The following CCBE1 variants were observed in gnomAD, a reference collection of about 807,000 sequenced individuals.
CCBE1 encodes the protein collagen and calcium binding EGF domains 1.
A neutral mutation model predicts 50.0 loss-of-function variants in CCBE1; 37 were observed. The ratio of observed to expected loss-of-function variants is 0.74; its 90% confidence interval spans 0.57 to 0.97. The LOEUF (loss-of-function observed/expected upper bound fraction) is 0.97, where lower values mean the gene tolerates loss of function less well. CCBE1 is among the 50% of genes least tolerant of loss of function. The pLI, the probability that CCBE1 is intolerant of heterozygous loss-of-function variation, is 0.00. For synonymous variants in CCBE1, 234 were observed against 203.7 expected (o/e 1.15, Z -1.27); for missense variants, 538 against 523.8 (o/e 1.03, Z -0.26).
chr18:59,653,447 T>C (rs1176238384), intron 2 of CCBE1, among the ~76,000 whole-genome samples: 1 of 152,194 alleles, frequency 6.6e-6, no homozygotes, highest in African/African-American at 2.4e-5. Flanking sequence ...ACAAAAATCA[T>C]AAACAAATCA....
chr18:59,685,498 C>T (rs2054642795), intron 2 of CCBE1, among the ~76,000 whole-genome samples: 1 of 152,226 alleles, frequency 6.6e-6, no homozygotes, highest in Non-Finnish European at 1.5e-5. Context: ...AGACCATTTA[C>T]CCAGCTTCTG....
chr18:59,441,370 T>TGTGGTG (rs2143625257), intron 7 of CCBE1, among the ~76,000 whole-genome samples: 1 of 151,266 alleles, frequency 6.6e-6, no homozygotes, highest in Non-Finnish European at 1.5e-5. Flanking sequence ...ATTAGTCAGG[T>TGTGGTG]GTGGTGGTGG....
chr18:59,608,451 C>T (rs2053529411), intron 2 of CCBE1, among the ~76,000 whole-genome samples: 1 of 152,176 alleles, frequency 6.6e-6, no homozygotes, highest in African/African-American at 2.4e-5. Flanking sequence ...CAAATAGCAT[C>T]TTAGCATTTC....
intron 6 of CCBE1, among the ~76,000 whole-genome samples, chr18:59,448,343 G>C (rs1438954259): frequency 6.6e-6 from 1 of 152,186 alleles, no homozygotes; most frequent in African/African-American, 2.4e-5. Flanking sequence ...ATAAGCTCCA[G>C]ATGGCCTAGA....
chr18:59,690,231 G>A (rs2054711538), intron 2 of CCBE1, among the ~76,000 whole-genome samples: 1 of 152,134 alleles, frequency 6.6e-6, no homozygotes. Context: ...TTGTTCATAA[G>A]ATTAAAATTA....
chr18:59,478,532 C>T (rs1912419668), intron 3 of CCBE1, among the ~76,000 whole-genome samples: 1 of 152,154 alleles, frequency 6.6e-6, no homozygotes, highest in African/African-American at 2.4e-5. Flanking sequence ...GCATGTGTGA[C>T]CACTTTTCCT....
At chr18:59,502,687 T>C (rs936724821) in intron 2 of CCBE1, among the ~76,000 whole-genome samples, 16 of 149,254 alleles carry the variant, frequency 1.1e-4, no homozygotes, top group African/African-American at 3.7e-4. Flanking sequence ...TTCCTCCCCC[T>C]CCCCCCGCAA....
At chr18:59,640,100 A>G (rs1287557876) in intron 2 of CCBE1, among the ~76,000 whole-genome samples, 1 of 152,196 alleles carries the variant, frequency 6.6e-6, no homozygotes, top group Non-Finnish European at 1.5e-5. Context: ...CTATGAAACT[A>G]CTACTGACAC....
chr18:59,557,297 T>C (rs1026469338), intron 2 of CCBE1, among the ~76,000 whole-genome samples: 2 of 152,186 alleles, frequency 1.3e-5, no homozygotes, highest in South Asian at 2.1e-4. Context: ...CTTCTCCAAA[T>C]ACCAGCCCTG....
chr18:59,645,716 T>C (rs1022634868), intron 2 of CCBE1, among the ~76,000 whole-genome samples: 5 of 152,210 alleles, frequency 3.3e-5, no homozygotes, highest in African/African-American at 1.2e-4. Flanking sequence ...CAGGCTTTGC[T>C]GCCCAAAACC....
At chr18:59,613,794 A>T (rs1241443758) in intron 2 of CCBE1, among the ~76,000 whole-genome samples, 1 of 149,578 alleles carries the variant, frequency 6.7e-6, no homozygotes, top group Non-Finnish European at 1.5e-5. Context: ...TCACAATCCC[A>T]CACTTGTAAC....
chr18:59,630,241 G>C (rs1852625682), intron 2 of CCBE1, among the ~76,000 whole-genome samples: 1 of 147,654 alleles, frequency 6.8e-6, no homozygotes. Context: ...GCAGGAGGAA[G>C]ATAAATTTAT....
chr18:59,673,753 T>C (rs918671265), intron 2 of CCBE1, among the ~76,000 whole-genome samples: 2 of 152,342 alleles, frequency 1.3e-5, no homozygotes, highest in Admixed American at 6.5e-5. Flanking sequence ...TTTATTGATT[T>C]GCGTATGTTG....
intron 2 of CCBE1, chr18:59,568,515 A>G (rs1328790116): frequency 6.6e-6 from 1 of 152,244 alleles, no homozygotes; most frequent in Non-Finnish European, 1.5e-5. Context: ...CAAGGTTTCA[A>G]GAGACTCTCT....
chr18:59,538,639 A>G (rs1393731197), intron 2 of CCBE1, among the ~76,000 whole-genome samples: 2 of 152,236 alleles, frequency 1.3e-5, no homozygotes, highest in Non-Finnish European at 2.9e-5. Context: ...AGGAGGGACA[A>G]GAGTAAACAG....
At chr18:59,611,835 G>GA (rs1212580437) in intron 2 of CCBE1, among the ~76,000 whole-genome samples, 20 of 152,190 alleles carry the variant, frequency 1.3e-4, no homozygotes, top group Admixed American at 1.3e-3. Context: ...CTTTGAAACT[G>GA]AGCCTGAGAC....
At chr18:59,451,551 C>G (rs1289031155) in intron 6 of CCBE1, among the ~76,000 whole-genome samples, 1 of 152,080 alleles carries the variant, frequency 6.6e-6, no homozygotes, top group East Asian at 1.9e-4. Flanking sequence ...CCCACACTCT[C>G]CCTTTCTCAC....
At chr18:59,681,900 C>T (rs546429814) in intron 2 of CCBE1, among the ~76,000 whole-genome samples, 21 of 152,302 alleles carry the variant, frequency 1.4e-4, no homozygotes, top group Admixed American at 7.2e-4. Flanking sequence ...AAACTAAATG[C>T]GCTTCTGTTT....
intron 2 of CCBE1, among the ~76,000 whole-genome samples, chr18:59,580,484 T>C (rs923478825): frequency 2.0e-5 from 3 of 152,250 alleles, no homozygotes; most frequent in Admixed American, 6.5e-5. Flanking sequence ...GTCATGGGCA[T>C]GAGTCCTCAG....
Sources: gnomAD v4.1 joint callset for allele counts (sites outside exome capture counted in the v4.1 genomes callset) on GRCh38, gnomAD v4.1.1 for gene constraint, MANE v1.5 for transcripts, NCBI Gene and HGNC (gene_info 2026-07-23, HGNC 2026-07-21) for gene names.